The following PRKN variants were observed in gnomAD, a reference collection of about 807,000 sequenced individuals.
PRKN encodes parkin RBR E3 ubiquitin protein ligase.
Under a neutral mutation model 59.5 loss-of-function variants are expected in PRKN, and 56 were observed. That is an observed-to-expected ratio of 0.94 (90% CI 0.76 to 1.18). The LOEUF (loss-of-function observed/expected upper bound fraction) is 1.18. PRKN is among the 50% of genes most tolerant of loss of function. The pLI is 0.00. For missense variants in PRKN, 657 were observed against 596.4 expected (o/e 1.10, Z -1.06); for synonymous variants, 250 against 222.1 (o/e 1.13, Z -1.12).
At chr6:162,168,556 CAAAAAAA>C (rs771060815) in intron 4 of PRKN, among the ~76,000 whole-genome samples, 541 of 47,296 alleles carry the variant, frequency 0.011, no homozygotes, top group African/African-American at 0.02. Flanking sequence ...ATCTGTTTTA[CAAAAAAA>C]AAAAAAAAAA....
At chr6:161,509,430 G>A (rs972937772) in intron 9 of PRKN, among the ~76,000 whole-genome samples, 3 of 152,114 alleles carry the variant, frequency 2.0e-5, no homozygotes, top group Non-Finnish European at 2.9e-5. Context: ...GAGCCAGGGA[G>A]GAGCCTGGAG....
chr6:161,365,605 G>T (rs1373470344), intron 10 of PRKN, among the ~76,000 whole-genome samples: 2 of 152,144 alleles, frequency 1.3e-5, no homozygotes, highest in African/African-American at 4.8e-5. Context: ...AAAGATTAAA[G>T]TTACAGCAAA....
chr6:162,651,142 TGTTTA>T (rs1178512000), intron 1 of PRKN, among the ~76,000 whole-genome samples: 1 of 152,140 alleles, frequency 6.6e-6, no homozygotes, highest in Non-Finnish European at 1.5e-5. Context: ...TTTGTTTGTT[TGTTTA>T]AACTGGAAAG....
chr6:162,305,699 T>G (rs141564250), intron 2 of PRKN, among the ~76,000 whole-genome samples: 2 of 152,314 alleles, frequency 1.3e-5, no homozygotes, highest in Admixed American at 1.3e-4. Flanking sequence ...TTCTAGTGTC[T>G]CTGTGTCACT....
At chr6:162,418,660 G>A (rs529376451) in intron 2 of PRKN, among the ~76,000 whole-genome samples, 2 of 148,876 alleles carry the variant, frequency 1.3e-5, no homozygotes, top group South Asian at 4.2e-4. Context: ...ATGCGTGTGT[G>A]TTGAGGGGGG....
intron 7 of PRKN, among the ~76,000 whole-genome samples, chr6:161,637,207 G>A (rs117193738): frequency 0.013 from 2,000 of 152,246 alleles, 58 homozygotes; most frequent in Non-Finnish European, 0.013. Flanking sequence ...AAATGCTTCT[G>A]AGGGTCCCTT....
At chr6:161,754,152 C>T (rs950902153) in intron 7 of PRKN, among the ~76,000 whole-genome samples, 4 of 152,096 alleles carry the variant, frequency 2.6e-5, no homozygotes, top group African/African-American at 4.8e-5. Context: ...AAAGCCTCAA[C>T]AGCTTACAGG....
At chr6:162,424,441 A>G (rs1428349830) in intron 2 of PRKN, among the ~76,000 whole-genome samples, 6 of 152,178 alleles carry the variant, frequency 3.9e-5, no homozygotes, top group African/African-American at 1.2e-4. Flanking sequence ...TAAGAAACGT[A>G]CCACTGGGGG....
At chr6:162,155,273 T>G (rs1053261060) in intron 4 of PRKN, among the ~76,000 whole-genome samples, 22 of 152,186 alleles carry the variant, frequency 1.4e-4, no homozygotes, top group Non-Finnish European at 5.9e-5. Context: ...ATCTGATATT[T>G]TGCCATATTG....
rs1028838526 is a variant in PRKN, at chr6:161,460,819, G to A, written c.1084-73942C>T. On this transcript the variant is annotated intron_variant, in intron 9 of 11. Transcript: ENST00000366898. The surrounding 1 kb of genome is among the most constrained non-coding windows in gnomAD (Gnocchi z 5.0). The stretch of plus-strand genomic sequence containing the variant: ...GGCTGGAGTGCAGTGTCACAATCTC[G>A]GCCCACTGCAATCTCAGACTCCCTG... 4.6e-5 allele frequency among the ~76,000 whole-genome samples: 7 copies of A among 150,544 alleles called. No homozygotes were observed. The highest frequency in any genetic ancestry group is 1.5e-4 in the African/African-American group (6 of 40,790).
chr6:162,226,226 C>T (rs143002057), intron 3 of PRKN, among the ~76,000 whole-genome samples: 9 of 151,946 alleles, frequency 5.9e-5, no homozygotes, highest in East Asian at 3.9e-4. Context: ...CAGGGCTATG[C>T]GCTTTGAGAC....
chr6:161,914,780 A>C (rs1371388759), intron 6 of PRKN, among the ~76,000 whole-genome samples: 2 of 151,834 alleles, frequency 1.3e-5, no homozygotes, highest in Non-Finnish European at 2.9e-5. Flanking sequence ...TGAACTGGCA[A>C]GCGATACTCA....
chr6:162,499,882 C>A (rs527599364), intron 1 of PRKN, among the ~76,000 whole-genome samples: 312 of 152,206 alleles, frequency 2.0e-3, no homozygotes, highest in African/African-American at 7.2e-3. Flanking sequence ...ATCATCTTTT[C>A]TAGGTTTTAA....
intron 7 of PRKN, among the ~76,000 whole-genome samples, chr6:161,678,833 C>T (rs1348129892): frequency 6.6e-6 from 1 of 152,024 alleles, no homozygotes; most frequent in East Asian, 1.9e-4. Flanking sequence ...TCCCAAAGTG[C>T]GGAGATTACA....
At chr6:162,011,942 A>G (rs996824926) in intron 5 of PRKN, among the ~76,000 whole-genome samples, 4 of 151,996 alleles carry the variant, frequency 2.6e-5, no homozygotes, top group Non-Finnish European at 4.4e-5. Context: ...AGATTTAGGT[A>G]GATATATATT....
At chr6:162,629,652 G>A (rs1258871193) in intron 1 of PRKN, among the ~76,000 whole-genome samples, 3 of 152,016 alleles carry the variant, frequency 2.0e-5, no homozygotes, top group Non-Finnish European at 4.4e-5. Context: ...GGTAGCCTAC[G>A]ACACGCAATG....
Position 161,790,929 on chromosome 6 carries a change from T to C in PRKN, c.735-5021A>G, listed in dbSNP as rs76617199. Among the ~76,000 whole-genome samples the C allele has an allele frequency of 9.7e-3, 1,476 of 152,248 alleles. 10 individuals carry two copies. Among genetic ancestry groups the C allele is most frequent in the Non-Finnish European group, 0.013 (872 of 68,012 alleles). ...ACATGAGTTACTAAGAACTGGACTA[T>C]GATGTGCAAATGGCTCTGGGAGTGG... On this transcript the variant is annotated intron_variant, in intron 6 of 11. Transcript: ENST00000366898.
intron 7 of PRKN, among the ~76,000 whole-genome samples, chr6:161,777,681 A>G (rs1789986834): frequency 7.0e-6 from 1 of 143,400 alleles, no homozygotes; most frequent in Admixed American, 7.1e-5. Context: ...GAATATATAT[A>G]TAATATATAT....
intron 7 of PRKN, among the ~76,000 whole-genome samples, chr6:161,744,061 A>C (rs3019449): frequency 0.71 from 107,744 of 151,992 alleles, 38,519 homozygotes; most frequent in East Asian, 0.92. Flanking sequence ...TGCTTCAGAG[A>C]TCATAGAAGA....
Sources: allele counts gnomAD v4.1 joint callset (sites outside exome capture counted in the v4.1 genomes callset), GRCh38; gene constraint gnomAD v4.1.1; non-coding constraint Gnocchi (gnomAD v3.1); transcripts MANE v1.5; gene names NCBI Gene and HGNC (gene_info 2026-07-23, HGNC 2026-07-21).